KMT2A: variants seen among roughly 807,000 people sequenced by gnomAD.
KMT2A encodes histone-lysine N-methyltransferase 2A.
A neutral mutation model predicts 345.3 loss-of-function variants in KMT2A; 16 were observed. The observed-to-expected ratio is 0.05, with a 90% confidence interval of 0.03 to 0.07. The LOEUF is 0.07. KMT2A is among the 10% of genes least tolerant of loss of function. The pLI is 1.00. For synonymous variants in KMT2A, 1,599 were observed against 1,778.6 expected (o/e 0.90, Z 2.54); for missense variants, 3,272 against 4,841.6 (o/e 0.68, Z 9.62).
At chr11:118,516,188 T>G (rs1169730875) in intron 31 of KMT2A, among the ~76,000 whole-genome samples, 4 of 152,142 alleles carry the variant, frequency 2.6e-5, no homozygotes, top group Non-Finnish European at 4.4e-5. Context: ...TATATGTATA[T>G]GTAAGTACCA....
intron 28 of KMT2A, among the ~76,000 whole-genome samples, chr11:118,508,687 C>T (rs753264100): frequency 6.7e-6 from 1 of 150,218 alleles, no homozygotes; most frequent in East Asian, 1.9e-4. Context: ...TGCCACTGCA[C>T]TCCAGCCTGG....
At position 118,468,781 on chromosome 11, in the gene KMT2A, C is replaced by A; in HGVS notation, c.439C>A (p.Gln147Lys). Residue 147 changes from glutamine (Q) to lysine (K), a missense_variant, in exon 2 of 36, where the codon CAA (glutamine) becomes AAA (lysine). By Grantham distance (53) the Gln-to-Lys change is moderately conservative (BLOSUM62 1). Around this residue, in one of 27 missense-constraint regions of KMT2A, gnomAD observed 412 missense variants for 511.0 expected, o/e 0.81. Coordinates refer to ENST00000534358, the MANE Select transcript of KMT2A (RefSeq NM_001197104.2). Reference sequence around the variant, plus strand: ...TAATTTTCCTTTGTTGTAGGATGAGCAATTCTTAGGTTTTGGCTCAGATGA... The same window carrying A: ...TAATTTTCCTTTGTTGTAGGATGAGAAATTCTTAGGTTTTGGCTCAGATGA... Reference protein sequence around the residue: ...GGGGGSGEDEQFLGFGSDEEV... With the variant: ...GGGGGSGEDEKFLGFGSDEEV... 6.2e-7 allele frequency: 1 copy of A among 1,612,264 alleles called. No homozygotes were observed. The highest frequency in any genetic ancestry group is 8.5e-7 in the Non-Finnish European group (1 of 1,178,660).
chr11:118,445,531 G>A (rs1949400467), intron 1 of KMT2A, among the ~76,000 whole-genome samples: 1 of 152,212 alleles, frequency 6.6e-6, no homozygotes, highest in Non-Finnish European at 1.5e-5. Context: ...GTTCTTAAGT[G>A]TCAGCTTGAG....
rs781936584 is a variant in KMT2A at position 118,484,833 on chromosome 11, T to C, written c.4219-29T>C. 1 of 1,494,736 alleles carries C rather than the reference T, an allele frequency of 6.7e-7. No individual in the cohort carries two copies. The highest frequency in any genetic ancestry group is 2.3e-5 in the East Asian group (1 of 44,338). 92.6% of individuals were successfully genotyped at this position (1,494,736 alleles called of 1,614,324 possible). On this transcript the variant is annotated intron_variant, in intron 9 of 35. Coordinates refer to ENST00000534358, the MANE Select transcript of KMT2A (RefSeq NM_001197104.2). This position sits in a 1 kb window ranked among gnomAD's most constrained non-coding sequence, Gnocchi z 4.1. ...ATCCAAAGTTGTGTAATTGTAAAAC[T>C]TTCCTAAGTGACCTTTCTCTCTCCA...
At position 118,480,988 on chromosome 11, in the gene KMT2A, T is replaced by C. The variant is rs1004078726; in HGVS notation, c.3635-727T>C. On this transcript the variant is annotated intron_variant, in intron 6 of 35. Coordinates refer to ENST00000534358, the MANE Select transcript of KMT2A (RefSeq NM_001197104.2). ...CCTGGCCAGCAGGTGTATATATTTA[T>C]GGGGGTACATGAGATATGTTGATAC... 4.6e-5 allele frequency among the ~76,000 whole-genome samples: 7 copies of C among 152,098 alleles called. No homozygotes were observed. The South Asian group carries it at 8.3e-4, about 18-fold the overall frequency.
At chr11:118,519,119 G>A (rs934519895) in intron 31 of KMT2A, among the ~76,000 whole-genome samples, 4 of 150,432 alleles carry the variant, frequency 2.7e-5, no homozygotes, top group Admixed American at 6.6e-5. Flanking sequence ...ACTTTAGTGA[G>A]GTATCTGGGG....
Position 118,505,808 on chromosome 11 carries a change from C to G in KMT2A, c.9916C>G (p.Pro3306Ala), listed in dbSNP as rs782682980. The change falls in exon 27 of 36, where the codon CCA (proline) becomes GCA (alanine). Residue 3306 changes from proline to alanine, a missense_variant. Pro to Ala is a conservative substitution (Grantham distance 27). Around this residue, in one of 27 missense-constraint regions of KMT2A, gnomAD observed 748 missense variants for 922.2 expected, o/e 0.81. Coordinates refer to ENST00000534358, the MANE Select transcript of KMT2A (RefSeq NM_001197104.2). The surrounding 1 kb of genome is among the most constrained non-coding windows in gnomAD (Gnocchi z 4.6). ...GTATTTTGAACCGGCACCCCTGTTA[C>G]CACAGAGTGTGGGAGGAACTGCTGC... ...IMYFEPAPLL[P>A]QSVGGTAATA... The G allele has an allele frequency of 1.2e-6, 2 of 1,614,030 alleles. No homozygotes were observed. Among genetic ancestry groups the G allele is most frequent in the African/African-American group, 2.7e-5 (2 of 74,914 alleles).
In KMT2A at chr11:118,471,762, A is replaced by T; in HGVS notation, c.603A>T (p.Lys201Asn). 6.2e-7 allele frequency: 1 copy of T among 1,613,706 alleles called. No individual in the cohort carries two copies. Among genetic ancestry groups the T allele is most frequent in the Non-Finnish European group, 8.5e-7 (1 of 1,179,812 alleles). Residue 201 changes from lysine (K) to asparagine (N), a missense_variant, in exon 3 of 36, where the codon AAA becomes AAT. Around this residue, in one of 27 missense-constraint regions of KMT2A, gnomAD observed 412 missense variants for 511.0 expected, o/e 0.81. Coordinates refer to ENST00000534358, the MANE Select transcript of KMT2A (RefSeq NM_001197104.2). The part of the protein sequence containing the change: ...SDPSVFSPLN[K>N]SETKSGDKIK... Reference sequence around the variant, plus strand: ...CATCTGTGTTTTCCCCTCTAAATAAATCAGAGACCAAATCTGGAGATAAGA... The same window carrying T: ...CATCTGTGTTTTCCCCTCTAAATAATTCAGAGACCAAATCTGGAGATAAGA...
chr11:118,489,694 TACTTACTTGCCAGTAAATGTGAAA>T (rs1555041945), intron 11 of KMT2A, 74 bp from the exon 12 acceptor site: 2 of 900,392 alleles, frequency 2.2e-6, no homozygotes. Flanking sequence ...TTGTGTGCTG[TACTTACTTGCCAGTAAATGTGAAA>T]TGGGGTACTA....
Position 118,489,797 on chromosome 11 carries a change from G to A in KMT2A, c.4485G>A (p.Leu1495=), listed in dbSNP as rs1555041994. The A allele has an allele frequency of 1.9e-6, 3 of 1,613,980 alleles. No individual in the cohort carries two copies. The highest frequency in any genetic ancestry group is 2.5e-6 in the Non-Finnish European group (3 of 1,179,866). Residue 1495 remains leucine, a synonymous_variant, in exon 12 of 36, where the codon CTG becomes CTA. Transcript: ENST00000534358. The part of the protein sequence containing the change: ...CGRQHQATKQ[L]LECNKCRNSY... Reference sequence around the variant, plus strand: ...GCCATTATATTTTCTTACAGCAGCTGCTGGAGTGTAATAAGTGCCGAAACA... The same window carrying A: ...GCCATTATATTTTCTTACAGCAGCTACTGGAGTGTAATAAGTGCCGAAACA...
intron 1 of KMT2A, among the ~76,000 whole-genome samples, chr11:118,467,568 A>G (rs1949868926): frequency 6.6e-6 from 1 of 152,198 alleles, no homozygotes; most frequent in African/African-American, 2.4e-5. Context: ...CCTCTAAAGC[A>G]TTTAAATTTA....
intron 1 of KMT2A, chr11:118,450,564 T>C (rs1255444102): frequency 1.3e-5 from 2 of 152,206 alleles, no homozygotes; most frequent in Admixed American, 6.5e-5. Context: ...CATTCTTGTG[T>C]GGGTGAAATT....
At chr11:118,483,962 G>A (rs1321930558) in intron 8 of KMT2A, among the ~76,000 whole-genome samples, 1 of 152,092 alleles carries the variant, frequency 6.6e-6, no homozygotes, top group Non-Finnish European at 1.5e-5. Context: ...AGCCCACAAG[G>A]TCTAGGCTGC....
intron 1 of KMT2A, among the ~76,000 whole-genome samples, chr11:118,442,475 G>T (rs1949334853): frequency 6.6e-6 from 1 of 152,174 alleles, no homozygotes; most frequent in Non-Finnish European, 1.5e-5. Context: ...ATCTAGACTG[G>T]TTTATGAAAC....
Position 118,499,247 on chromosome 11 carries a change from T to G in KMT2A, c.5962-56T>G, listed in dbSNP as rs1950459645. On this transcript the variant is annotated intron_variant, in intron 22 of 35. Transcript: ENST00000534358. The stretch of plus-strand genomic sequence containing the variant: ...TTCCACTCTGAGACAGTCAGGATCA[T>G]AAGTATAATGTGCAAAGGGACAGCC... 42 of 1,065,578 alleles carry G rather than the reference T, an allele frequency of 3.9e-5. 1 individual carries two copies. The South Asian group carries it at 4.3e-4, about 11-fold the overall frequency. 66.0% of individuals were successfully genotyped at this position (1,065,578 alleles called of 1,614,324 possible). A position where few individuals can be genotyped will look rare whatever the true frequency, so the allele number is the denominator to read the frequency against.
Position 118,484,806 on chromosome 11 carries a change from C to A in KMT2A, c.4219-56C>A. On this transcript the variant is annotated intron_variant, in intron 9 of 35. Transcript: ENST00000534358. The surrounding 1 kb of genome is among the most constrained non-coding windows in gnomAD (Gnocchi z 4.1). The stretch of plus-strand genomic sequence containing the variant: ...ATTTTATGCTTTTCATCCTTATTTT[C>A]CATCCAAAGTTGTGTAATTGTAAAA... The A allele has an allele frequency of 8.8e-7, 1 of 1,136,130 alleles. No individual in the cohort carries two copies. The highest frequency in any genetic ancestry group is 1.7e-5 in the Admixed American group (1 of 57,742). The allele number at this position is 1,136,130 out of a possible 1,614,324, so 70.4% of individuals were successfully genotyped here.
chr11:118,489,845 A>C lies in KMT2A; in HGVS notation c.4533A>C (p.Gly1511=). Residue 1511 remains glycine (G), a synonymous_variant, in exon 12 of 36, where the codon GGA becomes GGC. Coordinates refer to ENST00000534358, the MANE Select transcript of KMT2A (RefSeq NM_001197104.2). The part of the protein sequence containing the change: ...CRNSYHPECL[G]PNYPTKPTKK... Reference sequence around the variant, plus strand: ...ACAGCTATCACCCTGAGTGCCTGGGACCAAACTACCCCACCAAACCCACAA... The same window carrying C: ...ACAGCTATCACCCTGAGTGCCTGGGCCCAAACTACCCCACCAAACCCACAA... 6.2e-7 allele frequency: 1 copy of C among 1,614,166 alleles called. No homozygotes were observed. Among genetic ancestry groups the C allele is most frequent in the Non-Finnish European group, 8.5e-7 (1 of 1,180,032 alleles).
intron 24 of KMT2A, chr11:118,500,576 G>A (rs1169133371): frequency 6.4e-6 from 1 of 156,242 alleles, no homozygotes; most frequent in Non-Finnish European, 1.4e-5. Context: ...TTGTCTCATG[G>A]GGCTCTTCTC....
intron 1 of KMT2A, among the ~76,000 whole-genome samples, 193 bp from the exon 2 acceptor site, chr11:118,468,582 C>G (rs1949888525): frequency 6.6e-6 from 1 of 152,106 alleles, no homozygotes; most frequent in African/African-American, 2.4e-5. Context: ...TCCTATTTGT[C>G]TGTAATAAAG....
Sources: gnomAD v4.1 joint callset for allele counts (sites outside exome capture counted in the v4.1 genomes callset) on GRCh38, gnomAD v4.1.1 for gene constraint, gnomAD v4.1.1 regional missense constraint, Gnocchi (gnomAD v3.1) non-coding constraint, MANE v1.5 for transcripts, NCBI Gene and HGNC (gene_info 2026-07-23, HGNC 2026-07-21) for gene names.